The following RMDN1 variants were observed in gnomAD, a reference collection of about 807,000 sequenced individuals.
RMDN1 encodes regulator of microtubule dynamics protein 1.
In RMDN1, 48 loss-of-function variants were observed where a neutral mutation model predicts 48.9. That is an observed-to-expected ratio of 0.98 (90% confidence interval 0.78 to 1.25). RMDN1 has a LOEUF of 1.25. RMDN1 is among the 50% of genes most tolerant of loss of function. RMDN1 has a pLI of 0.00. For missense variants in RMDN1, 418 were observed against 373.4 expected, an observed-to-expected ratio of 1.12 and a Z score of -0.98; for synonymous variants, 148 against 132.6, an observed-to-expected ratio of 1.12 and a Z score of -0.80.
chr8:86,507,363 T>C (rs1403234377), intron 1 of RMDN1, among the ~76,000 whole-genome samples: 1 of 152,194 alleles, frequency 6.6e-6, no homozygotes, highest in Non-Finnish European at 1.5e-5. Flanking sequence ...CTACAACTTA[T>C]TTGCTACAAC....
chr8:86,500,764 T>G (rs1818075969), intron 2 of RMDN1, among the ~76,000 whole-genome samples: 1 of 152,176 alleles, frequency 6.6e-6, no homozygotes, highest in Non-Finnish European at 1.5e-5. Flanking sequence ...ACTGCACTGT[T>G]CACATTAGCA....
At chr8:86,504,075 T>A in intron 2 of RMDN1, 2 of 926,350 alleles carry the variant, frequency 2.2e-6, no homozygotes, top group Non-Finnish European at 3.6e-6. Context: ...TTGTCAGAAT[T>A]CTGGTGGCCC....
At chr8:86,481,223 C>G (rs1814349715) in intron 5 of RMDN1, among the ~76,000 whole-genome samples, 1 of 152,152 alleles carries the variant, frequency 6.6e-6, no homozygotes, top group Admixed American at 6.5e-5. Context: ...GGATTCAAGT[C>G]ACAGCTTAAT....
chr8:86,474,723 T>G lies in RMDN1; in HGVS notation c.894+97A>C, dbSNP rs546999092. 9.3e-6 allele frequency: 10 copies of G among 1,078,190 alleles called. No homozygotes were observed. In the East Asian group the frequency reaches 1.9e-4, roughly 20 times the overall value. 66.8% of individuals were successfully genotyped at this position (1,078,190 alleles called of 1,614,324 possible). On this transcript the variant is annotated intron_variant, in intron 9 of 9. Coordinates refer to ENST00000406452, the MANE Select transcript of RMDN1 (RefSeq NM_016033.3). The stretch of plus-strand genomic sequence containing the variant: ...TGAACACACTTGTTTTCAACAATAT[T>G]ATGCATTTAGAAAATTATGCTTTTA...
intron 2 of RMDN1, among the ~76,000 whole-genome samples, chr8:86,501,541 T>C (rs542997214): frequency 1.3e-5 from 2 of 152,060 alleles, no homozygotes; most frequent in East Asian, 3.9e-4. Context: ...GGCATGGTGG[T>C]GTGCATCTGT....
intron 2 of RMDN1, among the ~76,000 whole-genome samples, chr8:86,489,507 A>G (rs1321944053): frequency 6.6e-6 from 1 of 152,160 alleles, no homozygotes; most frequent in African/African-American, 2.4e-5. Flanking sequence ...CACTTGGTAT[A>G]CTTTAATTAA....
chr8:86,477,286 T>C lies in RMDN1; in HGVS notation c.760+8A>G. The C allele has an allele frequency of 6.3e-7, 1 of 1,593,592 alleles. No individual in the cohort carries two copies. Among genetic ancestry groups the C allele is most frequent in the Non-Finnish European group, 8.6e-7 (1 of 1,168,342 alleles). On this transcript the variant is annotated splice_region_variant and intron_variant, in intron 8 of 9. Transcript: ENST00000406452. ...CTATATTAATATGTGTAATCAAAAA[T>C]ACCTTACCTTGTTCTGCCCTGTGAA...
At position 86,504,300 on chromosome 8, in the gene RMDN1, C is replaced by A. The variant is rs1818898039; in HGVS notation, c.247+2695G>T. On this transcript the variant is annotated intron_variant, in intron 2 of 9. Coordinates refer to ENST00000406452, the MANE Select transcript of RMDN1 (RefSeq NM_016033.3). ...GCACCCAGGATGTATCCCAAGACAA[C>A]CAGGAGATGCAAGATGAGAGTGCAA... The A allele has an allele frequency of 8.9e-6, 14 of 1,578,024 alleles. No homozygotes were observed. In the Admixed American group the frequency reaches 2.3e-4, roughly 26 times the overall value.
intron 2 of RMDN1, chr8:86,504,050 A>G: frequency 3.6e-6 from 3 of 834,684 alleles, no homozygotes; most frequent in Non-Finnish European, 2.1e-6. Flanking sequence ...GGCACTCTCA[A>G]CCAGCTGGGC....
downstream of RMDN1, among the ~76,000 whole-genome samples, chr8:86,469,319 T>C (rs1343218405): frequency 2.6e-5 from 4 of 152,184 alleles, no homozygotes; most frequent in African/African-American, 7.2e-5. Flanking sequence ...ACTGTATTTA[T>C]TGCCATGCAG....
intron 2 of RMDN1, among the ~76,000 whole-genome samples, chr8:86,492,065 A>G (rs1489815204): frequency 1.3e-5 from 2 of 152,204 alleles, no homozygotes; most frequent in African/African-American, 4.8e-5. Flanking sequence ...AAGTACAACA[A>G]ATAACTACAT....
chr8:86,491,512 C>G (rs1230945257), intron 2 of RMDN1, among the ~76,000 whole-genome samples: 1 of 152,132 alleles, frequency 6.6e-6, no homozygotes, highest in South Asian at 2.1e-4. Flanking sequence ...TCCACATATC[C>G]GCAAATCAGT....
upstream of RMDN1, among the ~76,000 whole-genome samples, chr8:86,513,031 A>C (rs913441216): frequency 6.7e-6 from 1 of 149,090 alleles, no homozygotes; most frequent in South Asian, 2.1e-4. Context: ...ATTAAAAAAA[A>C]CCTTCACCCA....
In RMDN1 at chr8:86,480,304, G is replaced by C. The variant is rs747885951; in HGVS notation, c.614C>G (p.Ala205Gly). Residue 205 changes from alanine to glycine, a missense_variant, in exon 6 of 10, where the codon GCT becomes GGT. Ala to Gly is a moderately conservative substitution (Grantham distance 60). Transcript: ENST00000406452. ...AATACCCATAAGGTGAATTGAAGTA[G>C]CATCTTTAGGGTTCAGTTCAATTGC... is the stretch of plus-strand genomic sequence containing the variant. ...EKAIELNPKDATSIHLMGIWC... is the reference protein window; with the variant it reads ...EKAIELNPKDGTSIHLMGIWC... 1 of 1,543,812 alleles carries C rather than the reference G, an allele frequency of 6.5e-7. No homozygotes were observed. The highest frequency in any genetic ancestry group is 1.2e-5 in the South Asian group (1 of 82,088).
intron 5 of RMDN1, among the ~76,000 whole-genome samples, chr8:86,483,825 G>GT (rs35596455): frequency 0.062 from 8,093 of 130,058 alleles, 378 homozygotes; most frequent in African/African-American, 0.13. Context: ...TTTTGTGGTA[G>GT]TTTTTTTTTT....
chr8:86,492,505 C>G (rs900088794), intron 2 of RMDN1, among the ~76,000 whole-genome samples: 2 of 151,940 alleles, frequency 1.3e-5, no homozygotes, highest in African/African-American at 4.8e-5. Flanking sequence ...ATACAAAAAT[C>G]AGCCGGTCAT....
At chr8:86,495,715 C>G (rs769411736) in intron 2 of RMDN1, among the ~76,000 whole-genome samples, 1 of 152,124 alleles carries the variant, frequency 6.6e-6, no homozygotes, top group African/African-American at 2.4e-5. Flanking sequence ...TGAAGCTGGA[C>G]CCCCACAGGT....
chr8:86,512,425 T>C (rs1044455312), upstream of RMDN1, among the ~76,000 whole-genome samples: 2 of 152,204 alleles, frequency 1.3e-5, no homozygotes, highest in Admixed American at 1.3e-4. Flanking sequence ...ACTGGCAGTT[T>C]GTTCTTATCT....
intron 5 of RMDN1, among the ~76,000 whole-genome samples, chr8:86,480,866 C>A (rs73688856): frequency 0.15 from 22,490 of 151,878 alleles, 1,797 homozygotes; most frequent in Non-Finnish European, 0.19. Context: ...TCAACTTCCC[C>A]ATCTGTACTT....
Sources: allele counts gnomAD v4.1 joint callset (sites outside exome capture counted in the v4.1 genomes callset), GRCh38; gene constraint gnomAD v4.1.1; transcripts MANE v1.5; gene names NCBI Gene and HGNC (gene_info 2026-07-23, HGNC 2026-07-21).